The following AFF2 variants were observed in gnomAD, a reference collection of about 807,000 sequenced individuals.
The protein encoded by AFF2 is ALF transcription elongation factor 2, also known as AF4/FMR2 family member 2.
Under a neutral mutation model 76.9 loss-of-function variants are expected in AFF2, and 14 were observed. That is an observed-to-expected ratio of 0.18 (90% CI 0.12 to 0.28). The LOEUF is 0.28. Ranked by LOEUF, AFF2 falls within the 10% of genes least tolerant of loss-of-function variation. The pLI, the probability that AFF2 is intolerant of heterozygous loss-of-function variation, is 1.00. For missense variants in AFF2, 868 were observed against 1,001.1 expected (o/e 0.87, Z 1.79); for synonymous variants, 398 against 366.7 (o/e 1.09, Z -0.98).
At chrX:148,910,091 A>G (rs2071452149) in intron 9 of AFF2, among the ~76,000 whole-genome samples, 1 of 112,690 alleles carries the variant, frequency 8.9e-6, no homozygotes, top group Admixed American at 9.3e-5. Flanking sequence ...GAGAGCATGC[A>G]CACACTGTTG....
At chrX:148,874,050 G>A (rs1264715864) in intron 7 of AFF2, among the ~76,000 whole-genome samples, 1 of 111,581 alleles carries the variant, frequency 9.0e-6, no homozygotes, top group African/African-American at 3.3e-5. Context: ...GTGAGTCTAT[G>A]AATAATAGGA....
intron 7 of AFF2, among the ~76,000 whole-genome samples, chrX:148,856,650 C>T (rs942689985): frequency 2.1e-4 from 23 of 111,791 alleles, no homozygotes; most frequent in African/African-American, 7.5e-4. Flanking sequence ...ATATTCTCTG[C>T]TCCTGAGTCC....
At chrX:148,682,648 C>G (rs1040469021) in intron 3 of AFF2, among the ~76,000 whole-genome samples, 17 of 111,408 alleles carry the variant, frequency 1.5e-4, no homozygotes, top group Non-Finnish European at 3.2e-4. Context: ...AGCCTAAGGA[C>G]ATAGTAAGTT....
intron 4 of AFF2, among the ~76,000 whole-genome samples, chrX:148,815,480 A>G (rs1338184015): frequency 8.9e-6 from 1 of 111,762 alleles, no homozygotes; most frequent in Non-Finnish European, 1.9e-5. Flanking sequence ...CCTAGTAATC[A>G]TTTCCTCTTT....
intron 3 of AFF2, among the ~76,000 whole-genome samples, chrX:148,795,834 TATATATATATA>T (rs1241950160): frequency 1.9e-4 from 1 of 5,287 alleles, no homozygotes; most frequent in African/African-American, 6.6e-4. Context: ...AAAAAAAAAA[TATATATATATA>T]TATATATATA....
chrX:148,833,967 C>T (rs1205588656), intron 4 of AFF2, among the ~76,000 whole-genome samples: 6 of 112,177 alleles, frequency 5.3e-5, no homozygotes, highest in Non-Finnish European at 1.1e-4. Context: ...CAGCCTGTGG[C>T]ATACCCAGCT....
chrX:148,583,841 A>T (rs1557245448), intron 1 of AFF2, among the ~76,000 whole-genome samples: 1 of 111,663 alleles, frequency 9.0e-6, no homozygotes, highest in African/African-American at 3.3e-5. Flanking sequence ...TACACGGAAA[A>T]GTACTTTCAG....
At chrX:148,969,906 G>T (rs2072228593) in intron 15 of AFF2, among the ~76,000 whole-genome samples, 1 of 110,779 alleles carries the variant, frequency 9.0e-6, no homozygotes, top group African/African-American at 3.3e-5. Context: ...CCCAGGGGTG[G>T]GGGGCATAAC....
intron 9 of AFF2, among the ~76,000 whole-genome samples, chrX:148,910,803 TTCAC>T (rs1459565568): frequency 6.3e-5 from 7 of 111,674 alleles, no homozygotes; most frequent in African/African-American, 2.3e-4. Flanking sequence ...TAAAGAGCTC[TTCAC>T]TTGGTACTGA....
chrX:148,829,427 T>A (rs1356892703), intron 4 of AFF2, among the ~76,000 whole-genome samples: 1 of 111,763 alleles, frequency 8.9e-6, no homozygotes. Flanking sequence ...AAGTCTATGG[T>A]TCCACTGTTG....
At chrX:148,598,234 T>A (rs1471078088) in intron 1 of AFF2, among the ~76,000 whole-genome samples, 1 of 111,569 alleles carries the variant, frequency 9.0e-6, no homozygotes, top group Non-Finnish European at 1.9e-5. Flanking sequence ...TTGCTAAATT[T>A]TGGCCATAAT....
intron 3 of AFF2, among the ~76,000 whole-genome samples, chrX:148,776,318 A>T: frequency 8.9e-6 from 1 of 112,189 alleles, no homozygotes; most frequent in East Asian, 2.8e-4. Context: ...TGCAATAAAC[A>T]TATGTGTGTA....
At chrX:148,960,427 A>G (rs1420396254) in intron 12 of AFF2, among the ~76,000 whole-genome samples, 1 of 112,027 alleles carries the variant, frequency 8.9e-6, no homozygotes, top group Non-Finnish European at 1.9e-5. Flanking sequence ...CTATCTTTAC[A>G]ATGTCTCTGC....
intron 1 of AFF2, among the ~76,000 whole-genome samples, chrX:148,576,729 C>T (rs924839160): frequency 1.8e-5 from 2 of 110,768 alleles, no homozygotes; most frequent in Middle Eastern, 4.6e-3. Flanking sequence ...CCACCAAAAA[C>T]GAAAGTCTTT....
At chrX:148,819,494 T>A (rs2070304028) in intron 4 of AFF2, among the ~76,000 whole-genome samples, 1 of 111,415 alleles carries the variant, frequency 9.0e-6, no homozygotes, top group African/African-American at 3.3e-5. Context: ...CATTTACTCA[T>A]TTACTAAATC....
At chrX:148,906,352 C>T (rs1045736922) in intron 9 of AFF2, among the ~76,000 whole-genome samples, 1 of 112,022 alleles carries the variant, frequency 8.9e-6, no homozygotes, top group Non-Finnish European at 1.9e-5. Context: ...GTTGGCCAAC[C>T]TCCCCAACAG....
intron 9 of AFF2, among the ~76,000 whole-genome samples, chrX:148,911,682 G>A (rs1436112087): frequency 8.9e-6 from 1 of 112,074 alleles, no homozygotes; most frequent in Non-Finnish European, 1.9e-5. Flanking sequence ...ACACAAAATC[G>A]AGTGTTGTTG....
intron 3 of AFF2, among the ~76,000 whole-genome samples, chrX:148,742,503 T>C (rs1187969522): frequency 8.9e-6 from 1 of 111,902 alleles, no homozygotes; most frequent in East Asian, 2.8e-4. Context: ...CTAAAATAAA[T>C]GTAAGCATTT....
intron 1 of AFF2, among the ~76,000 whole-genome samples, chrX:148,581,102 TATACACATAC>T (rs1557244527): frequency 9.6e-6 from 1 of 103,999 alleles, no homozygotes; most frequent in Non-Finnish European, 2.0e-5. Flanking sequence ...TATATGTATA[TATACACATAC>T]GTATACACAC....
Sources: gnomAD v4.1 joint callset for allele counts (sites outside exome capture counted in the v4.1 genomes callset) on GRCh38, gnomAD v4.1.1 for gene constraint, MANE v1.5 for transcripts, NCBI Gene and HGNC (gene_info 2026-07-23, HGNC 2026-07-21) for gene names.